Variants in CEP112 observed in about 807,000 individuals in gnomAD.
The protein encoded by CEP112 is centrosomal protein 112.
Under a neutral mutation model 153.0 loss-of-function variants are expected in CEP112, and 127 were observed. The ratio of observed to expected loss-of-function variants is 0.83; its 90% CI spans 0.72 to 0.96. The LOEUF (loss-of-function observed/expected upper bound fraction) is 0.96, where lower values mean the gene tolerates loss of function less well. Ranked by LOEUF, CEP112 falls within the 40% of genes least tolerant of loss-of-function variation. The pLI, the probability that CEP112 is intolerant of heterozygous loss-of-function variation, is 0.00. For synonymous variants in CEP112, 358 were observed against 374.4 expected, an observed-to-expected ratio of 0.96 and a Z score of 0.51; for missense variants, 1,089 against 1,101.2, an observed-to-expected ratio of 0.99 and a Z score of 0.16.
chr17:66,164,480 C>T (rs1032539826), intron 4 of CEP112, among the ~76,000 whole-genome samples: 2 of 148,694 alleles, frequency 1.3e-5, no homozygotes, highest in African/African-American at 5.0e-5. Context: ...ATCACTGAAC[C>T]CAGGAGGCAG....
intron 21 of CEP112, among the ~76,000 whole-genome samples, chr17:65,816,459 G>A (rs939855065): frequency 1.3e-5 from 2 of 151,590 alleles, no homozygotes; most frequent in African/African-American, 4.8e-5. Flanking sequence ...TTTCTCCTGA[G>A]TCCCCAAAGT....
At chr17:65,731,416 A>G (rs762860739) in intron 23 of CEP112, among the ~76,000 whole-genome samples, 2 of 152,230 alleles carry the variant, frequency 1.3e-5, no homozygotes, top group Non-Finnish European at 2.9e-5. Context: ...TTGCTAAGAC[A>G]TGCTAACAAT....
At chr17:65,758,443 T>C (rs2052415939) in intron 21 of CEP112, among the ~76,000 whole-genome samples, 1 of 152,198 alleles carries the variant, frequency 6.6e-6, no homozygotes, top group African/African-American at 2.4e-5. Context: ...AAAGTGTCCA[T>C]GGTTGTAATT....
intron 4 of CEP112, among the ~76,000 whole-genome samples, chr17:66,148,526 T>C (rs1311836170): frequency 6.6e-6 from 1 of 152,222 alleles, no homozygotes; most frequent in East Asian, 1.9e-4. Flanking sequence ...TCTTTTTAGA[T>C]TCTTTCATCA....
chr17:66,058,449 A>G (rs2066792601), intron 11 of CEP112, among the ~76,000 whole-genome samples: 1 of 152,054 alleles, frequency 6.6e-6, no homozygotes, highest in Admixed American at 6.6e-5. Flanking sequence ...TATAGATTCA[A>G]CACTATCCTA....
chr17:66,134,245 AG>A (rs2070334117), intron 4 of CEP112, among the ~76,000 whole-genome samples: 1 of 152,226 alleles, frequency 6.6e-6, no homozygotes, highest in Admixed American at 6.5e-5. Flanking sequence ...TTTATTGCAC[AG>A]GGTTGCATAC....
At chr17:65,956,343 A>G (rs2061999544) in intron 18 of CEP112, among the ~76,000 whole-genome samples, 1 of 152,006 alleles carries the variant, frequency 6.6e-6, no homozygotes, top group Admixed American at 6.6e-5. Flanking sequence ...AAAAATATGG[A>G]ACCAGCCCAA....
chr17:66,132,633 C>G (rs183317172), intron 5 of CEP112, 37 bp downstream of exon 5: 2 of 1,436,234 alleles, frequency 1.4e-6, no homozygotes, highest in African/African-American at 1.4e-5. Context: ...TTTAAAACAA[C>G]AAGCAAAAAC....
intron 23 of CEP112, among the ~76,000 whole-genome samples, chr17:65,742,255 T>C (rs2051181774): frequency 6.6e-6 from 1 of 152,202 alleles, no homozygotes; most frequent in Non-Finnish European, 1.5e-5. Context: ...CTTTTATTGT[T>C]CTTTGCTTTG....
At chr17:65,796,821 C>G (rs1428826434) in intron 21 of CEP112, among the ~76,000 whole-genome samples, 1 of 146,950 alleles carries the variant, frequency 6.8e-6, no homozygotes, top group African/African-American at 2.5e-5. Context: ...CTGATTGAGT[C>G]CAGGAGTTCA....
chr17:65,810,796 G>A (rs996906369), intron 21 of CEP112, among the ~76,000 whole-genome samples: 7 of 152,100 alleles, frequency 4.6e-5, no homozygotes, highest in African/African-American at 1.4e-4. Flanking sequence ...CCTTGAATAA[G>A]GATGAGGAGT....
At chr17:66,039,621 T>C (rs1349070072) in intron 12 of CEP112, among the ~76,000 whole-genome samples, 1 of 152,190 alleles carries the variant, frequency 6.6e-6, no homozygotes, top group Non-Finnish European at 1.5e-5. Context: ...CATACGTTTA[T>C]GATTTGTGAA....
intron 26 of CEP112, 58 bp from the exon 27 acceptor site, chr17:65,636,032 A>G: frequency 6.4e-7 from 1 of 1,553,408 alleles, no homozygotes; most frequent in Non-Finnish European, 8.8e-7. Context: ...ATGTCAATCA[A>G]AAAATAAGCT....
intron 6 of CEP112, among the ~76,000 whole-genome samples, chr17:66,120,052 C>T (rs2069501101): frequency 1.3e-5 from 2 of 152,118 alleles, no homozygotes; most frequent in African/African-American, 4.8e-5. Flanking sequence ...GTGAATATCT[C>T]CCTAAGATGA....
chr17:66,085,257 A>G lies in CEP112; in HGVS notation c.768+10994T>C, dbSNP rs1430065709. ...ATCAAAGGTTTTTAATATAACAGAG[A>G]GTTATACAACCGTTAGCACAATCTA... On this transcript the variant is annotated intron_variant, in intron 8 of 26. Transcript: ENST00000535342. Among the ~76,000 whole-genome samples the G allele has an allele frequency of 3.9e-5, 6 of 152,220 alleles. No individual in the cohort carries two copies. The East Asian group carries it at 9.6e-4, about 24-fold the overall frequency.
intron 2 of CEP112, among the ~76,000 whole-genome samples, chr17:66,177,534 C>T (rs898870779): frequency 2.1e-5 from 3 of 141,964 alleles, no homozygotes; most frequent in Non-Finnish European, 4.8e-5. Context: ...CAGGATAAAT[C>T]GGGTATCTAT....
chr17:65,973,557 A>G (rs990536593), intron 17 of CEP112, among the ~76,000 whole-genome samples: 2 of 152,218 alleles, frequency 1.3e-5, no homozygotes, highest in African/African-American at 4.8e-5. Context: ...ATAAGATACT[A>G]CTACACACTT....
intron 18 of CEP112, among the ~76,000 whole-genome samples, chr17:65,950,703 T>C (rs540983331): frequency 2.1e-5 from 3 of 146,288 alleles, no homozygotes; most frequent in African/African-American, 8.0e-5. Flanking sequence ...ACATTACTAG[T>C]AGTAGTAGTA....
intron 11 of CEP112, among the ~76,000 whole-genome samples, chr17:66,054,775 G>A (rs1454493222): frequency 6.6e-6 from 1 of 152,046 alleles, no homozygotes; most frequent in Non-Finnish European, 1.5e-5. Flanking sequence ...TTTTTGTTTT[G>A]AGATGGAGTC....
Sources: allele counts gnomAD v4.1 joint callset (sites outside exome capture counted in the v4.1 genomes callset), GRCh38; gene constraint gnomAD v4.1.1; transcripts MANE v1.5; gene names NCBI Gene and HGNC (gene_info 2026-07-23, HGNC 2026-07-21).